Variants in WWOX observed in about 807,000 individuals in gnomAD.
WWOX encodes WW domain containing oxidoreductase, also known as WW domain-containing oxidoreductase.
WWOX carries 69 observed loss-of-function variants against 46.2 expected under a neutral mutation model. The ratio of observed to expected loss-of-function variants is 1.49; its 90% CI spans 1.23 to 1.82. The LOEUF is 1.82. WWOX is among the 40% of genes most tolerant of loss of function. WWOX has a pLI of 0.00. For missense variants in WWOX, 919 were observed against 542.6 expected (o/e 1.69, Z -6.89); for synonymous variants, 359 against 202.6 (o/e 1.77, Z -6.56).
intron 8 of WWOX, among the ~76,000 whole-genome samples, chr16:78,730,985 T>C (rs2142382908): frequency 6.6e-6 from 1 of 152,300 alleles, no homozygotes; most frequent in Non-Finnish European, 1.5e-5. Context: ...CAACTTACAG[T>C]ATCAAATCAA....
chr16:79,021,324 C>G (rs571454637), intron 8 of WWOX, among the ~76,000 whole-genome samples: 1 of 152,296 alleles, frequency 6.6e-6, no homozygotes, highest in East Asian at 1.9e-4. Flanking sequence ...ATTGTCTCTA[C>G]TCTCAAGAAA....
intron 8 of WWOX, among the ~76,000 whole-genome samples, chr16:79,120,487 C>T (rs75887207): frequency 6.6e-6 from 1 of 152,088 alleles, no homozygotes; most frequent in South Asian, 2.1e-4. Flanking sequence ...TCACATGGTG[C>T]CCAGAGCAAA....
chr16:78,951,609 A>G (rs1342681839), intron 8 of WWOX, among the ~76,000 whole-genome samples: 1 of 152,182 alleles, frequency 6.6e-6, no homozygotes, highest in East Asian at 1.9e-4. Flanking sequence ...TGCTCCATCA[A>G]TACCCATCCC....
intron 8 of WWOX, among the ~76,000 whole-genome samples, chr16:78,669,020 C>T (rs547727840): frequency 8.5e-5 from 13 of 152,188 alleles, no homozygotes; most frequent in Admixed American, 4.6e-4. Context: ...ACCTTCAGAA[C>T]GGCTTCCTGA....
intron 6 of WWOX, among the ~76,000 whole-genome samples, chr16:78,389,785 G>C (rs745437407): frequency 2.0e-5 from 3 of 152,116 alleles, no homozygotes; most frequent in Non-Finnish European, 4.4e-5. Flanking sequence ...GGGTCTCGCT[G>C]TGTTGCCCAG....
At chr16:78,408,716 T>C in intron 6 of WWOX, among the ~76,000 whole-genome samples, 1 of 152,168 alleles carries the variant, frequency 6.6e-6, no homozygotes, top group East Asian at 1.9e-4. Flanking sequence ...AAGAGGGAGA[T>C]ACAGCTAATT....
At chr16:78,741,465 C>T (rs1158169248) in intron 8 of WWOX, among the ~76,000 whole-genome samples, 7 of 152,120 alleles carry the variant, frequency 4.6e-5, no homozygotes, top group African/African-American at 1.4e-4. Flanking sequence ...GAGGCTGAGG[C>T]AGGAGAATCA....
intron 7 of WWOX, among the ~76,000 whole-genome samples, chr16:78,428,161 C>T (rs957540253): frequency 3.3e-5 from 5 of 152,254 alleles, no homozygotes; most frequent in African/African-American, 9.6e-5. Context: ...GCAAGTGTTA[C>T]TGTCCACAGA....
chr16:79,207,414 A>C (rs16949929), intron 8 of WWOX, among the ~76,000 whole-genome samples: 2,726 of 152,348 alleles, frequency 0.018, 84 homozygotes, highest in African/African-American at 0.062. Flanking sequence ...GCCGTCTTCA[A>C]AAGGGCTGTT....
At chr16:78,301,582 C>T (rs1247342285) in intron 5 of WWOX, among the ~76,000 whole-genome samples, 2 of 152,022 alleles carry the variant, frequency 1.3e-5, no homozygotes, top group Admixed American at 1.3e-4. Context: ...TGTGGGCGTG[C>T]ACTCTGTTTA....
At chr16:78,627,255 C>T (rs191210287) in intron 8 of WWOX, among the ~76,000 whole-genome samples, 2 of 152,176 alleles carry the variant, frequency 1.3e-5, no homozygotes, top group East Asian at 1.9e-4. Context: ...CATACCTCCC[C>T]AGGGGATAGC....
chr16:78,160,312 A>G (rs1401724943), intron 4 of WWOX, among the ~76,000 whole-genome samples: 2 of 151,946 alleles, frequency 1.3e-5, no homozygotes, highest in South Asian at 2.1e-4. Flanking sequence ...TTTTGTAGAG[A>G]TGGAATTTTG....
chr16:78,688,724 T>A (rs2047918922), intron 8 of WWOX, among the ~76,000 whole-genome samples: 1 of 152,050 alleles, frequency 6.6e-6, no homozygotes, highest in African/African-American at 2.4e-5. Context: ...TGGCATCTGG[T>A]GGGTAGGGGT....
chr16:78,798,967 G>T (rs2050815114), intron 8 of WWOX, among the ~76,000 whole-genome samples: 1 of 151,936 alleles, frequency 6.6e-6, no homozygotes, highest in African/African-American at 2.4e-5. Flanking sequence ...TGCCTTTCTT[G>T]GTCTATTAAT....
chr16:78,859,875 T>A (rs2052675477), intron 8 of WWOX, among the ~76,000 whole-genome samples: 2 of 152,196 alleles, frequency 1.3e-5, no homozygotes, highest in Admixed American at 1.3e-4. Flanking sequence ...TCTCCTATTT[T>A]CACTTACTTA....
Position 78,145,674 on chromosome 16 carries a change from A to G in WWOX, c.410-18509A>G, listed in dbSNP as rs370563274. ...CAGGAACAGCACCTTGCATCCTTCAATCCAATCACATTGACACTCAATATT... is the reference window on the plus strand; with the variant it reads ...CAGGAACAGCACCTTGCATCCTTCAGTCCAATCACATTGACACTCAATATT... On this transcript the variant is annotated intron_variant, in intron 4 of 8. Transcript: ENST00000566780. Among the ~76,000 whole-genome samples the G allele has an allele frequency of 1.2e-4, 19 of 152,250 alleles. No homozygotes were observed. In the East Asian group the frequency reaches 1.9e-3, roughly 16 times the overall value.
intron 1 of WWOX, among the ~76,000 whole-genome samples, chr16:78,107,830 C>A (rs1458959634): frequency 3.3e-5 from 5 of 152,112 alleles, no homozygotes; most frequent in Non-Finnish European, 5.9e-5. Context: ...AATAAATAAA[C>A]ATTTTAAGAG....
intron 8 of WWOX, among the ~76,000 whole-genome samples, chr16:78,934,276 T>C (rs1363650104): frequency 1.4e-5 from 2 of 142,394 alleles, no homozygotes; most frequent in African/African-American, 5.3e-5. Flanking sequence ...AGGCGGATCT[T>C]GCAGTGAGCC....
chr16:79,062,705 C>G (rs747421840), intron 8 of WWOX, among the ~76,000 whole-genome samples: 3 of 152,150 alleles, frequency 2.0e-5, no homozygotes, highest in Non-Finnish European at 4.4e-5. Context: ...CAAGAGGTAC[C>G]TCCTGGTTTT....
Sources: gnomAD v4.1 joint callset for allele counts (sites outside exome capture counted in the v4.1 genomes callset) on GRCh38, gnomAD v4.1.1 for gene constraint, MANE v1.5 for transcripts, NCBI Gene and HGNC (gene_info 2026-07-23, HGNC 2026-07-21) for gene names.